The following KRR1 variants were observed in gnomAD, a reference collection of about 807,000 sequenced individuals.
KRR1 encodes the protein KRR1 small subunit processome component homolog.
In KRR1, 23 loss-of-function variants were observed where a neutral mutation model predicts 50.0. The observed-to-expected ratio is 0.46, with a 90% CI of 0.33 to 0.65. The LOEUF (loss-of-function observed/expected upper bound fraction) is 0.65. KRR1 is among the 30% of genes least tolerant of loss of function. KRR1 has a pLI of 0.02. For missense variants in KRR1, 419 were observed against 442.4 expected (o/e 0.95, Z 0.47); for synonymous variants, 133 against 146.3 (o/e 0.91, Z 0.66).
intron 5 of KRR1, among the ~76,000 whole-genome samples, chr12:75,505,807 A>G (rs1358747033): frequency 6.6e-6 from 1 of 152,128 alleles, no homozygotes; most frequent in African/African-American, 2.4e-5. Context: ...TTTGCTCCAC[A>G]GATTTCCTCA....
At position 75,495,768 on chromosome 12, in the gene KRR1, G is replaced by A. The variant is rs2046346784; in HGVS notation, c.*4041C>T. On this transcript the variant is annotated 3_prime_UTR_variant, in exon 10 of 10. Coordinates refer to ENST00000229214, the MANE Select transcript of KRR1 (RefSeq NM_007043.7). ...TTTTATCTTAACGGCTATCTTCAAG[G>A]AAACTGGCATCAAGTAGCAATTAAA... 2 of 650,798 alleles carry A rather than the reference G, an allele frequency of 3.1e-6. No homozygotes were observed. The highest frequency in any genetic ancestry group is 5.5e-6 in the Non-Finnish European group (2 of 365,366). The allele number at this position is 650,798 out of a possible 1,614,324, so 40.3% of individuals were successfully genotyped here. A position where few individuals can be genotyped will look rare whatever the true frequency, so the allele number is the denominator to read the frequency against.
rs930015710 is a variant in KRR1, at chr12:75,494,505, A to G, written c.*5304T>C. The G allele has an allele frequency of 5.3e-5, 8 of 152,204 alleles. No individual in the cohort carries two copies. Among genetic ancestry groups the G allele is most frequent in the African/African-American group, 1.9e-4 (8 of 41,442 alleles). 9.4% of individuals were successfully genotyped at this position (152,204 alleles called of 1,614,324 possible). A position where few individuals can be genotyped will look rare whatever the true frequency, so the allele number is the denominator to read the frequency against. ...CTAATAGCCCCCGGTAGATCTTAAT[A>G]GAGAAGCACATATTACTTTATCACA... On this transcript the variant is annotated 3_prime_UTR_variant, in exon 10 of 10. Transcript: ENST00000229214.
chr12:75,506,566 T>A lies in KRR1; in HGVS notation c.437A>T (p.Lys146Ile), dbSNP rs747184760. The part of the protein sequence containing the change: ...LQDDVACDII[K>I]IGSLVRNKER... The stretch of plus-strand genomic sequence containing the variant: ...TTTATTCCTTACTAAAGAACCTATT[T>A]TAATGATGTCACATGCAACATCATC... The change falls in exon 4 of 10, where the codon AAA becomes ATA. Residue 146 changes from lysine (K) to isoleucine (I), a missense_variant. Physicochemically the swap from Lys to Ile is moderately radical, Grantham distance 102. Coordinates refer to ENST00000229214, the MANE Select transcript of KRR1 (RefSeq NM_007043.7). 45 of 1,605,998 alleles carry A rather than the reference T, an allele frequency of 2.8e-5. 1 individual carries two copies. The South Asian group carries it at 4.7e-4, about 17-fold the overall frequency.
chr12:75,495,613 C>G lies in KRR1; in HGVS notation c.*4196G>C. ...CAACTTGGCCATATAAGAGAGGAGC[C>G]ACCTGCAGTGCCTGCCCCAATAATG... On this transcript the variant is annotated 3_prime_UTR_variant, in exon 10 of 10. Coordinates refer to ENST00000229214, the MANE Select transcript of KRR1 (RefSeq NM_007043.7). The G allele has an allele frequency of 1.9e-6, 3 of 1,611,386 alleles. No homozygotes were observed. Among genetic ancestry groups the G allele is most frequent in the Non-Finnish European group, 2.5e-6 (3 of 1,177,650 alleles).
In KRR1 at chr12:75,495,819, C is replaced by T. The variant is rs776480085; in HGVS notation, c.*3990G>A. ...CCAATGGCTTACTGTTCTAGGAATA[C>T]ATTTAAGAGAAATTTAAATGTGAAA... On this transcript the variant is annotated 3_prime_UTR_variant, in exon 10 of 10. Coordinates refer to ENST00000229214, the MANE Select transcript of KRR1 (RefSeq NM_007043.7). 6 of 469,756 alleles carry T rather than the reference C, an allele frequency of 1.3e-5. No homozygotes were observed. The highest frequency in any genetic ancestry group is 1.9e-5 in the Non-Finnish European group (5 of 256,832). 29.1% of individuals were successfully genotyped at this position (469,756 alleles called of 1,614,324 possible).
chr12:75,506,281 C>T, intron 5 of KRR1, 35 bp downstream of exon 5: 1 of 1,301,388 alleles, frequency 7.7e-7, no homozygotes, highest in Non-Finnish European at 1.1e-6. Context: ...TTGTTCTCTG[C>T]TGAAAATGAA....
At chr12:75,501,500 A>C (rs2046393769) in intron 9 of KRR1, 1 of 483,198 alleles carries the variant, frequency 2.1e-6, no homozygotes, top group African/African-American at 2.0e-5. Context: ...CACAGACCAG[A>C]GGTCAGGAGA....
At chr12:75,506,674 C>T (rs1259187944) in intron 3 of KRR1, 65 bp from the exon 4 acceptor site, 3 of 1,541,564 alleles carry the variant, frequency 1.9e-6, no homozygotes, top group Non-Finnish European at 2.6e-6. Context: ...ATTCATTTTC[C>T]AGGCCCACGC....
rs570229799 is a variant in KRR1 at position 75,495,795 on chromosome 12, C to T, written c.*4014G>A. The T allele has an allele frequency of 1.8e-6, 1 of 570,402 alleles. No homozygotes were observed. The highest frequency in any genetic ancestry group is 2.8e-5 in the Admixed American group (1 of 35,860). The allele number at this position is 570,402 out of a possible 1,614,324, so 35.3% of individuals were successfully genotyped here. A position where few individuals can be genotyped will look rare whatever the true frequency, so the allele number is the denominator to read the frequency against. On this transcript the variant is annotated 3_prime_UTR_variant, in exon 10 of 10. Transcript: ENST00000229214. ...AACTGGCATCAAGTAGCAATTAAACCAATGGCTTACTGTTCTAGGAATACA... is the reference window on the plus strand; with the variant it reads ...AACTGGCATCAAGTAGCAATTAAACTAATGGCTTACTGTTCTAGGAATACA...
intron 1 of KRR1, among the ~76,000 whole-genome samples, chr12:75,510,898 C>T (rs2046445144): frequency 6.6e-6 from 1 of 152,316 alleles, no homozygotes; most frequent in South Asian, 2.1e-4. Context: ...GATCCCCAGG[C>T]TATTTATGAC....
In KRR1 at chr12:75,508,275, T is replaced by C. The variant is rs928486257; in HGVS notation, c.257A>G (p.His86Arg). 6.2e-7 allele frequency: 1 copy of C among 1,604,682 alleles called. No homozygotes were observed. ...TGTATTGATATAAGATACACATACA[T>C]GTTCATTTAAGGCTTTCTGCACCAA... ...WPLVQKALNE[H>R]HVNATLDLIE... The change falls in exon 2 of 10, where the codon CAT becomes CGT. Residue 86 changes from histidine to arginine, a missense_variant and splice_region_variant. Physicochemically the swap from His to Arg is conservative, Grantham distance 29 (BLOSUM62 0). Coordinates refer to ENST00000229214, the MANE Select transcript of KRR1 (RefSeq NM_007043.7).
chr12:75,504,817 T>A (rs2046414835), intron 6 of KRR1, among the ~76,000 whole-genome samples: 1 of 152,052 alleles, frequency 6.6e-6, no homozygotes, highest in South Asian at 2.1e-4. Flanking sequence ...CAACATGAGA[T>A]GTTCCAGATT....
At position 75,497,799 on chromosome 12, in the gene KRR1, G is replaced by A. The variant is rs1163618069; in HGVS notation, c.*2010C>T. Reference sequence around the variant, plus strand: ...CCAAATCAGGACTGTTTTACAAAATGTGCTGGGCATATTAGTGGTACATAA... The same window carrying A: ...CCAAATCAGGACTGTTTTACAAAATATGCTGGGCATATTAGTGGTACATAA... On this transcript the variant is annotated 3_prime_UTR_variant, in exon 10 of 10. Coordinates refer to ENST00000229214, the MANE Select transcript of KRR1 (RefSeq NM_007043.7). 2 of 152,148 alleles carry A rather than the reference G, an allele frequency of 1.3e-5. No individual in the cohort carries two copies. Among genetic ancestry groups the A allele is most frequent in the African/African-American group, 2.4e-5 (1 of 41,430 alleles). The allele number at this position is 152,148 out of a possible 1,614,324, so 9.4% of individuals were successfully genotyped here. A position where few individuals can be genotyped will look rare whatever the true frequency, so the allele number is the denominator to read the frequency against.
At chr12:75,501,276 G>C (rs2046391839) in intron 9 of KRR1, 1 of 156,066 alleles carries the variant, frequency 6.4e-6, no homozygotes, top group South Asian at 1.9e-4. Context: ...AGACCTGTCA[G>C]CATCCTTTAG....
At chr12:75,504,236 A>G in intron 6 of KRR1, 162 bp from the exon 7 acceptor site, 1 of 432,582 alleles carries the variant, frequency 2.3e-6, no homozygotes, top group Non-Finnish European at 4.1e-6. Flanking sequence ...GGTTATCACA[A>G]ACATGTATAA....
At position 75,494,939 on chromosome 12, in the gene KRR1, G is replaced by A. The variant is rs1337499473; in HGVS notation, c.*4870C>T. 1 of 152,194 alleles carries A rather than the reference G, an allele frequency of 6.6e-6. No homozygotes were observed. The highest frequency in any genetic ancestry group is 1.5e-5 in the Non-Finnish European group (1 of 68,056). The allele number at this position is 152,194 out of a possible 1,614,324, so 9.4% of individuals were successfully genotyped here. On this transcript the variant is annotated 3_prime_UTR_variant, in exon 10 of 10. Transcript: ENST00000229214. Reference sequence around the variant, plus strand: ...TTTTGTGAAGATTATTTCATTCAAGGTTGTTTAGAACAAAGACAAGCACAT... The same window carrying A: ...TTTTGTGAAGATTATTTCATTCAAGATTGTTTAGAACAAAGACAAGCACAT...
At chr12:75,504,291 TTAAAA>T (rs2046412447) in intron 6 of KRR1, 3 of 322,374 alleles carry the variant, frequency 9.3e-6, no homozygotes, top group Non-Finnish European at 1.7e-5. Flanking sequence ...TGCAGAATTG[TTAAAA>T]TGAGACAAAA....
intron 1 of KRR1, among the ~76,000 whole-genome samples, chr12:75,510,853 A>G (rs2046444871): frequency 6.6e-6 from 1 of 152,234 alleles, no homozygotes; most frequent in Admixed American, 6.5e-5. Flanking sequence ...TGAGAGTTCA[A>G]TGTTTTTAAC....
intron 1 of KRR1, 126 bp from the exon 2 acceptor site, chr12:75,508,572 C>A: frequency 1.9e-6 from 1 of 538,742 alleles, no homozygotes; most frequent in South Asian, 3.4e-5. Context: ...TTCCAATACT[C>A]CTTGCATTTC....
Sources: gnomAD v4.1 joint callset for allele counts (sites outside exome capture counted in the v4.1 genomes callset) on GRCh38, gnomAD v4.1.1 for gene constraint, MANE v1.5 for transcripts, NCBI Gene and HGNC (gene_info 2026-07-23, HGNC 2026-07-21) for gene names.